Variants in RARRES1 observed in about 807,000 individuals in gnomAD.
The protein encoded by RARRES1 is retinoic acid receptor responder 1, also known as retinoic acid receptor responder protein 1.
Under a neutral mutation model 30.6 loss-of-function variants are expected in RARRES1, and 34 were observed. The observed-to-expected ratio is 1.11, with a 90% CI of 0.84 to 1.48. The LOEUF (loss-of-function observed/expected upper bound fraction) is 1.48. RARRES1 is among the 40% of genes most tolerant of loss of function. The pLI is 0.00. For synonymous variants in RARRES1, 153 were observed against 155.5 expected (o/e 0.98, Z 0.12); for missense variants, 373 against 386.5 (o/e 0.97, Z 0.29).
In RARRES1 at chr3:158,697,810, G is replaced by A. The variant is rs151177502; in HGVS notation, c.753C>T (p.Arg251=). 2.7e-4 allele frequency: 441 copies of A among 1,609,928 alleles called. No homozygotes were observed. The highest frequency in any genetic ancestry group is 3.3e-4 in the Middle Eastern group (2 of 6,074). Residue 251 remains arginine (R), a synonymous_variant, in exon 6 of 6, where the codon CGC becomes CGT. Transcript: ENST00000237696. ...ELSTQEIIPC[R]IHLVWYPGKP... ...TGCCAGGGTACCAGACCAAGTGAAT[G>A]CGACAGGGAATTATTTCCTAGGAAA...
rs556517579 is a variant in RARRES1, at chr3:158,726,901, C to T, written c.276+5239G>A. Among the ~76,000 whole-genome samples the T allele has an allele frequency of 5.9e-5, 9 of 152,302 alleles. No homozygotes were observed. The East Asian group carries it at 9.6e-4, about 16-fold the overall frequency. On this transcript the variant is annotated intron_variant, in intron 1 of 5. Transcript: ENST00000237696. The stretch of plus-strand genomic sequence containing the variant: ...GGTGACTGGATTATGGAGGTGGGTC[C>T]TTCATGAATGGTTTGGCACCCTCCC...
chr3:158,718,864 T>C (rs895576838), intron 1 of RARRES1, among the ~76,000 whole-genome samples: 1 of 152,128 alleles, frequency 6.6e-6, no homozygotes, highest in South Asian at 2.1e-4. Flanking sequence ...GTGAAAAAAG[T>C]AAGTAGACTT....
intron 4 of RARRES1, among the ~76,000 whole-genome samples, chr3:158,703,757 G>A (rs1490242443): frequency 1.3e-5 from 2 of 152,068 alleles, no homozygotes; most frequent in Admixed American, 1.3e-4. Flanking sequence ...ATCTCTAACT[G>A]CTTAAGTCAG....
chr3:158,714,820 T>A (rs1727271038), intron 1 of RARRES1, among the ~76,000 whole-genome samples: 1 of 152,226 alleles, frequency 6.6e-6, no homozygotes, highest in Non-Finnish European at 1.5e-5. Context: ...TAGCATTGAT[T>A]AAGGTTGGAC....
intron 1 of RARRES1, among the ~76,000 whole-genome samples, chr3:158,728,532 T>G (rs1727768153): frequency 6.8e-6 from 1 of 147,634 alleles, no homozygotes; most frequent in Non-Finnish European, 1.5e-5. Context: ...TTTTTTTTTT[T>G]TTGGTTTTTG....
chr3:158,710,717 A>G (rs1430991510), intron 3 of RARRES1, 21 bp downstream of exon 3: 1 of 1,559,844 alleles, frequency 6.4e-7, no homozygotes, highest in African/African-American at 1.4e-5. Flanking sequence ...GAATATAGAA[A>G]TTCCAAATGC....
In RARRES1 at chr3:158,714,668, C is replaced by T. The variant is rs111774186; in HGVS notation, c.277-809G>A. ...TATTTTAGAATATACATATCTATGT[C>T]ATTGCAATTTAAACTGTTTAGAAGA... On this transcript the variant is annotated intron_variant, in intron 1 of 5. Transcript: ENST00000237696. 7.8e-3 allele frequency among the ~76,000 whole-genome samples: 1,187 copies of T among 152,284 alleles called. 16 individuals are homozygous for T. The highest frequency in any genetic ancestry group is 0.028 in the African/African-American group (1,153 of 41,534).
At chr3:158,730,225 C>T (rs995404131) in intron 1 of RARRES1, among the ~76,000 whole-genome samples, 1 of 149,436 alleles carries the variant, frequency 6.7e-6, no homozygotes, top group Non-Finnish European at 1.5e-5. Flanking sequence ...GAGGCTGAGG[C>T]AGGAGAATCG....
At chr3:158,726,702 A>G (rs17700122) in intron 1 of RARRES1, among the ~76,000 whole-genome samples, 28,836 of 152,250 alleles carry the variant, frequency 0.19, 2,865 homozygotes, top group Non-Finnish European at 0.23. Context: ...GTTGTTCAGC[A>G]TATTCTTTGA....
At chr3:158,701,359 CT>C (rs367676229) in intron 4 of RARRES1, among the ~76,000 whole-genome samples, 418 of 142,442 alleles carry the variant, frequency 2.9e-3, no homozygotes, top group African/African-American at 6.6e-3. Context: ...TTCAGTCTTT[CT>C]TTTTTTTTTT....
intron 1 of RARRES1, among the ~76,000 whole-genome samples, chr3:158,728,919 C>T (rs904665878): frequency 6.6e-6 from 1 of 152,176 alleles, no homozygotes; most frequent in East Asian, 1.9e-4. Context: ...TGTGTCTACA[C>T]TCTTCACTCA....
In RARRES1 at chr3:158,710,618, C is replaced by T. The variant is rs190405589; in HGVS notation, c.535+120G>A. ...GTTTTGTTTAAATTATGAGGGATACCACAATATTTAGTTGAATGAAAGTGC... is the reference window on the plus strand; with the variant it reads ...GTTTTGTTTAAATTATGAGGGATACTACAATATTTAGTTGAATGAAAGTGC... On this transcript the variant is annotated intron_variant, in intron 3 of 5. Coordinates refer to ENST00000237696, the MANE Select transcript of RARRES1 (RefSeq NM_206963.2). 21 of 929,248 alleles carry T rather than the reference C, an allele frequency of 2.3e-5. No individual in the cohort carries two copies. In the East Asian group the frequency reaches 4.7e-4, roughly 21 times the overall value. 57.6% of individuals were successfully genotyped at this position (929,248 alleles called of 1,614,324 possible).
intron 1 of RARRES1, among the ~76,000 whole-genome samples, chr3:158,720,908 T>C (rs2108148919): frequency 6.6e-6 from 1 of 152,356 alleles, no homozygotes; most frequent in Middle Eastern, 3.4e-3. Context: ...CTGTTTACAC[T>C]TAAGGTCACA....
intron 1 of RARRES1, among the ~76,000 whole-genome samples, chr3:158,727,165 A>T (rs1727721166): frequency 6.6e-6 from 1 of 152,350 alleles, no homozygotes; most frequent in African/African-American, 2.4e-5. Flanking sequence ...CCAGTCTCAG[A>T]TATTCCTTTA....
chr3:158,714,350 G>A (rs116130586), intron 1 of RARRES1, among the ~76,000 whole-genome samples: 1,808 of 152,290 alleles, frequency 0.012, 23 homozygotes, highest in Non-Finnish European at 0.019. Context: ...GACAGTGGTG[G>A]TGTAGGAAGG....
intron 4 of RARRES1, among the ~76,000 whole-genome samples, chr3:158,701,768 T>C (rs1726729864): frequency 6.6e-6 from 1 of 152,222 alleles, no homozygotes; most frequent in East Asian, 1.9e-4. Context: ...TGCATACTTT[T>C]CTTTAAAAGA....
At position 158,697,971 on chromosome 3, in the gene RARRES1, C is replaced by G. The variant is rs577143945; in HGVS notation, c.673-1G>C. On this transcript the variant is annotated splice_acceptor_variant, in intron 4 of 5. Transcript: ENST00000237696. LOFTEE classifies it high-confidence loss of function. ...AATCAATTGTATCATCATTAGTTTT[C>G]TAGAGGGAGAAAAAAGAGTTAGTGT... is the stretch of plus-strand genomic sequence containing the variant. The G allele has an allele frequency of 6.6e-7, 1 of 1,506,738 alleles. No individual in the cohort carries two copies. Among genetic ancestry groups the G allele is most frequent in the African/African-American group, 1.4e-5 (1 of 72,278 alleles). The allele number at this position is 1,506,738 out of a possible 1,614,324, so 93.3% of individuals were successfully genotyped here. A position where few individuals can be genotyped will look rare whatever the true frequency, so the allele number is the denominator to read the frequency against.
chr3:158,697,386 G>T lies in RARRES1; in HGVS notation c.*292C>A. The T allele has an allele frequency of 4.0e-6, 1 of 247,670 alleles. No individual in the cohort carries two copies. The highest frequency in any genetic ancestry group is 7.6e-6 in the Non-Finnish European group (1 of 130,934). The allele number at this position is 247,670 out of a possible 1,614,324, so 15.3% of individuals were successfully genotyped here. On this transcript the variant is annotated 3_prime_UTR_variant, in exon 6 of 6. Transcript: ENST00000237696. ...AGTTAAAAAAAAAATGCTGATTCTG[G>T]TGCAACATACACTGATTATCCAGGT...
chr3:158,699,444 C>CCA (rs1553743686), intron 4 of RARRES1, among the ~76,000 whole-genome samples: 1 of 150,152 alleles, frequency 6.7e-6, no homozygotes, highest in African/African-American at 2.5e-5. Context: ...ACCCCCCCCC[C>CCA]ACCAAAAAAG....
Sources: allele counts gnomAD v4.1 joint callset (sites outside exome capture counted in the v4.1 genomes callset), GRCh38; gene constraint gnomAD v4.1.1; transcripts MANE v1.5; gene names NCBI Gene and HGNC (gene_info 2026-07-23, HGNC 2026-07-21).